Variants in DNAJC1 observed in about 807,000 individuals in gnomAD.
DNAJC1 encodes DnaJ heat shock protein family (Hsp40) member C1, also known as dnaJ homolog subfamily C member 1.
A neutral mutation model predicts 76.6 loss-of-function variants in DNAJC1; 58 were observed. The observed-to-expected ratio is 0.76, with a 90% CI of 0.61 to 0.94. DNAJC1 has a LOEUF of 0.94. DNAJC1 is among the 40% of genes least tolerant of loss of function. DNAJC1 has a pLI of 0.00. For missense variants in DNAJC1, 689 were observed against 677.3 expected (o/e 1.02, Z -0.19); for synonymous variants, 258 against 267.9 (o/e 0.96, Z 0.36).
intron 8 of DNAJC1, among the ~76,000 whole-genome samples, chr10:21,831,528 C>T (rs553164979): frequency 1.3e-4 from 20 of 152,208 alleles, no homozygotes; most frequent in African/African-American, 3.1e-4. Context: ...CAGTGGCTTG[C>T]GCCTGTAATC....
intron 8 of DNAJC1, among the ~76,000 whole-genome samples, chr10:21,852,747 G>A (rs1018382153): frequency 9.2e-5 from 14 of 151,506 alleles, no homozygotes; most frequent in Admixed American, 7.9e-4. Context: ...TTGAACTAAC[G>A]AAGTACCCAC....
intron 1 of DNAJC1, among the ~76,000 whole-genome samples, chr10:21,958,923 CCTT>C (rs1192150618): frequency 1.3e-5 from 2 of 152,104 alleles, no homozygotes; most frequent in African/African-American, 4.8e-5. Flanking sequence ...AGCTCCTTCT[CCTT>C]CTTTACTTCC....
At chr10:21,831,154 C>G (rs1835351331) in intron 8 of DNAJC1, among the ~76,000 whole-genome samples, 1 of 152,014 alleles carries the variant, frequency 6.6e-6, no homozygotes, top group South Asian at 2.1e-4. Context: ...TTCCAAAAAC[C>G]CTGTTTGGGG....
At chr10:21,832,564 T>C (rs538106101) in intron 8 of DNAJC1, among the ~76,000 whole-genome samples, 2 of 152,328 alleles carry the variant, frequency 1.3e-5, no homozygotes, top group East Asian at 1.9e-4. Flanking sequence ...AGTAGGCATT[T>C]TTACTTCTTC....
chr10:21,763,024 G>A (rs545755759), intron 10 of DNAJC1, among the ~76,000 whole-genome samples: 1 of 152,032 alleles, frequency 6.6e-6, no homozygotes, highest in South Asian at 2.1e-4. Flanking sequence ...TCTGCCTCCC[G>A]GGTTCAAGTG....
At chr10:21,918,658 C>T in intron 6 of DNAJC1, 121 bp downstream of exon 6, 1 of 634,528 alleles carries the variant, frequency 1.6e-6, no homozygotes. Context: ...AAATCCTACT[C>T]AATCAACATT....
intron 6 of DNAJC1, among the ~76,000 whole-genome samples, chr10:21,914,118 G>A (rs1171377747): frequency 2.0e-5 from 3 of 152,012 alleles, no homozygotes; most frequent in African/African-American, 7.3e-5. Flanking sequence ...GATTACATGG[G>A]GCGTACATTT....
intron 1 of DNAJC1, among the ~76,000 whole-genome samples, chr10:21,945,354 G>A (rs138960498): frequency 6.6e-6 from 1 of 152,108 alleles, no homozygotes; most frequent in African/African-American, 2.4e-5. Context: ...CTGTTGAATG[G>A]AAAAAGATAC....
chr10:21,989,079 G>C (rs1001100396), intron 1 of DNAJC1, among the ~76,000 whole-genome samples: 10 of 152,184 alleles, frequency 6.6e-5, no homozygotes, highest in African/African-American at 2.4e-4. Flanking sequence ...TCTGGGAACA[G>C]TTGCTAGAAA....
intron 9 of DNAJC1, among the ~76,000 whole-genome samples, chr10:21,780,835 T>G (rs1205837227): frequency 2.6e-5 from 4 of 152,328 alleles, no homozygotes; most frequent in African/African-American, 9.6e-5. Flanking sequence ...ATCAGTGTGC[T>G]GTATTCAGGA....
At chr10:21,817,589 T>C (rs922712915) in intron 8 of DNAJC1, among the ~76,000 whole-genome samples, 4 of 152,116 alleles carry the variant, frequency 2.6e-5, no homozygotes, top group African/African-American at 4.8e-5. Flanking sequence ...AGGAAGTTCA[T>C]ACAAGAGCCA....
chr10:21,918,814 A>G lies in DNAJC1; in HGVS notation c.694T>C (p.Cys232Arg). Reference protein sequence around the residue: ...LLPCKLGIWFCLTLKALPHLI... With the variant: ...LLPCKLGIWFRLTLKALPHLI... ...TGAGGTAATGCTTTTAGTGTAAGGC[A>G]AAACCAAATCCCCAGTTTGCATGGA... is the stretch of plus-strand genomic sequence containing the variant. Residue 232 changes from cysteine (C) to arginine (R), a missense_variant, in exon 6 of 12, where the codon TGC (cysteine) becomes CGC (arginine). Transcript: ENST00000376980. 6.2e-7 allele frequency: 1 copy of G among 1,613,310 alleles called. No homozygotes were observed.
chr10:21,904,162 C>A (rs1428352075), intron 7 of DNAJC1, among the ~76,000 whole-genome samples: 1 of 152,108 alleles, frequency 6.6e-6, no homozygotes, highest in African/African-American at 2.4e-5. Flanking sequence ...TTCCTAACTA[C>A]AACTGTTACA....
In DNAJC1 at chr10:22,003,418, G is replaced by C. The variant is rs1340510445; in HGVS notation, c.17C>G (p.Ser6Cys). 7.3e-7 allele frequency: 1 copy of C among 1,368,202 alleles called. No homozygotes were observed. The highest frequency in any genetic ancestry group is 1.9e-5 in the South Asian group (1 of 53,118). 84.8% of individuals were successfully genotyped at this position (1,368,202 alleles called of 1,614,324 possible). MTAPC[S>C]QPAQLPGRRQ... The stretch of plus-strand genomic sequence containing the variant: ...GCGTCCAGGAAGCTGCGCCGGCTGG[G>C]AGCAAGGAGCCGTCATCGCGCTGGG... Residue 6 changes from serine (S) to cysteine (C), a missense_variant, in exon 1 of 12, where the codon TCC becomes TGC. Physicochemically the swap from Ser to Cys is moderately radical, Grantham distance 112. Transcript: ENST00000376980.
chr10:21,906,109 T>C (rs1836741287), intron 6 of DNAJC1, among the ~76,000 whole-genome samples: 1 of 152,114 alleles, frequency 6.6e-6, no homozygotes, highest in Admixed American at 6.5e-5. Flanking sequence ...CCTAAAATCA[T>C]TGAATCAATA....
chr10:21,883,312 T>C (rs900623472), intron 7 of DNAJC1, among the ~76,000 whole-genome samples: 18 of 144,418 alleles, frequency 1.2e-4, no homozygotes, highest in African/African-American at 4.0e-4. Flanking sequence ...AACTGGAGAC[T>C]TGACATTGAG....
intron 7 of DNAJC1, among the ~76,000 whole-genome samples, chr10:21,897,570 T>C (rs1319659525): frequency 6.6e-6 from 1 of 152,162 alleles, no homozygotes; most frequent in Admixed American, 6.5e-5. Context: ...TCCTGTCAGA[T>C]CAGCAGTGGC....
intron 1 of DNAJC1, among the ~76,000 whole-genome samples, chr10:21,985,529 G>A (rs952308777): frequency 5.9e-5 from 9 of 152,068 alleles, no homozygotes; most frequent in African/African-American, 1.4e-4. Flanking sequence ...GATTACAGGC[G>A]TGTGCCACCG....
intron 10 of DNAJC1, among the ~76,000 whole-genome samples, chr10:21,764,678 T>C (rs889487203): frequency 6.6e-6 from 1 of 152,240 alleles, no homozygotes; most frequent in Non-Finnish European, 1.5e-5. Flanking sequence ...CTTTGTTAAT[T>C]TGTGAACATA....
Sources: gnomAD v4.1 joint callset for allele counts (sites outside exome capture counted in the v4.1 genomes callset) on GRCh38, gnomAD v4.1.1 for gene constraint, MANE v1.5 for transcripts, NCBI Gene and HGNC (gene_info 2026-07-23, HGNC 2026-07-21) for gene names.